The following SCAMP1 variants were observed in gnomAD, a reference collection of about 807,000 sequenced individuals.
The protein encoded by SCAMP1 is secretory carrier-associated membrane protein 1.
A neutral mutation model predicts 41.8 loss-of-function variants in SCAMP1; 15 were observed. The ratio of observed to expected loss-of-function variants is 0.36; its 90% CI spans 0.24 to 0.55. The LOEUF is 0.55. Among genes scored for constraint, SCAMP1 ranks in the 20% least tolerant of loss-of-function variants. The probability of loss-of-function intolerance (pLI) is 0.86; values close to 1 mark genes in which losing one functional copy is unlikely to be tolerated. For synonymous variants in SCAMP1, 135 were observed against 136.8 expected, an observed-to-expected ratio of 0.99 and a Z score of 0.09; for missense variants, 341 against 412.6, an observed-to-expected ratio of 0.83 and a Z score of 1.50.
chr5:78,366,852 G>A lies in SCAMP1; in HGVS notation c.57+6124G>A, dbSNP rs576742027. ...AATTTAAAAGTTAGCTGGGTGTGGT[G>A]GTGCACACCTGTAATCTAAGCTACT... On this transcript the variant is annotated intron_variant, in intron 1 of 8. Transcript: ENST00000621999. Among the ~76,000 whole-genome samples the A allele has an allele frequency of 4.6e-5, 7 of 151,212 alleles. No homozygotes were observed. The South Asian group carries it at 1.5e-3, about 32-fold the overall frequency.
chr5:78,405,985 A>G (rs1382668033), intron 2 of SCAMP1, among the ~76,000 whole-genome samples: 1 of 152,252 alleles, frequency 6.6e-6, no homozygotes, highest in Middle Eastern at 3.2e-3. Context: ...TAACAAGGGA[A>G]TCTGTGTTAA....
intron 6 of SCAMP1, 61 bp downstream of exon 6, chr5:78,422,021 A>G (rs1390007193): frequency 5.7e-6 from 8 of 1,393,460 alleles, no homozygotes; most frequent in African/African-American, 1.4e-5. Context: ...AATTCGTAGT[A>G]TACATTAAAG....
In SCAMP1 at chr5:78,434,676, G is replaced by A. The variant is rs571822910; in HGVS notation, c.632+12716G>A. Among the ~76,000 whole-genome samples, 7 of 152,042 alleles carry A rather than the reference G, an allele frequency of 4.6e-5. No homozygotes were observed. In the East Asian group the frequency reaches 1.4e-3, roughly 29 times the overall value. ...TACATCTATGAGTTTTCTTTTTAAA[G>A]GTAAACCTGTTTGTGAAGATAATCC... On this transcript the variant is annotated intron_variant, in intron 6 of 8. Coordinates refer to ENST00000621999, the MANE Select transcript of SCAMP1 (RefSeq NM_004866.6).
intron 2 of SCAMP1, among the ~76,000 whole-genome samples, chr5:78,403,411 TACAC>T (rs911124216): frequency 1.3e-5 from 2 of 152,164 alleles, no homozygotes; most frequent in African/African-American, 2.4e-5. Flanking sequence ...TGTATATATA[TACAC>T]ACACAAGATA....
intron 2 of SCAMP1, among the ~76,000 whole-genome samples, chr5:78,401,089 G>T (rs191916607): frequency 6.6e-6 from 1 of 152,218 alleles, no homozygotes; most frequent in East Asian, 1.9e-4. Context: ...TGTATCTACT[G>T]ATATGGTCAT....
chr5:78,439,084 C>G (rs1752847361), intron 6 of SCAMP1, among the ~76,000 whole-genome samples: 1 of 152,202 alleles, frequency 6.6e-6, no homozygotes, highest in Non-Finnish European at 1.5e-5. Context: ...TTCCTCCATC[C>G]CTTTATTTTG....
chr5:78,365,632 G>A (rs141886601), intron 1 of SCAMP1, among the ~76,000 whole-genome samples: 13 of 152,212 alleles, frequency 8.5e-5, no homozygotes, highest in African/African-American at 3.1e-4. Context: ...ATAATTAAGT[G>A]CTTTGCCTAC....
At chr5:78,417,391 G>A (rs934468557) in intron 4 of SCAMP1, among the ~76,000 whole-genome samples, 4 of 152,190 alleles carry the variant, frequency 2.6e-5, no homozygotes, top group African/African-American at 9.6e-5. Context: ...AGCATCAGAG[G>A]TAGCATCTAT....
chr5:78,381,440 C>T (rs1334729944), intron 1 of SCAMP1, among the ~76,000 whole-genome samples: 13 of 152,152 alleles, frequency 8.5e-5, no homozygotes, highest in Non-Finnish European at 1.6e-4. Flanking sequence ...TACAGCTGGA[C>T]CATCTGGATT....
At chr5:78,363,244 C>T (rs1399778474) in intron 1 of SCAMP1, among the ~76,000 whole-genome samples, 1 of 149,186 alleles carries the variant, frequency 6.7e-6, no homozygotes, top group African/African-American at 2.5e-5. Context: ...ACGGAGTCTC[C>T]CTCTGTCGCC....
intron 2 of SCAMP1, among the ~76,000 whole-genome samples, chr5:78,397,099 T>C (rs1751671902): frequency 6.6e-6 from 1 of 152,140 alleles, no homozygotes; most frequent in Non-Finnish European, 1.5e-5. Flanking sequence ...AGTTTTGTTA[T>C]AGTTACAGTA....
intron 6 of SCAMP1, among the ~76,000 whole-genome samples, chr5:78,441,508 T>C (rs1469064099): frequency 6.6e-6 from 1 of 152,140 alleles, no homozygotes; most frequent in Non-Finnish European, 1.5e-5. Context: ...ACTTTTCAAG[T>C]GGTATTAGTA....
intron 7 of SCAMP1, among the ~76,000 whole-genome samples, chr5:78,454,877 T>G (rs1753345562): frequency 6.6e-6 from 1 of 152,188 alleles, no homozygotes; most frequent in African/African-American, 2.4e-5. Context: ...TATTGGTCTA[T>G]TCAGAGATTC....
intron 6 of SCAMP1, among the ~76,000 whole-genome samples, chr5:78,427,335 TTCATGAGGGA>T (rs1465727017): frequency 1.3e-5 from 2 of 152,144 alleles, no homozygotes; most frequent in South Asian, 2.1e-4. Flanking sequence ...CACCAGGCCA[TTCATGAGGGA>T]TCATGAGGGA....
intron 5 of SCAMP1, 147 bp downstream of exon 5, chr5:78,419,050 C>T (rs1030001219): frequency 1.0e-5 from 7 of 697,172 alleles, no homozygotes; most frequent in Non-Finnish European, 1.6e-5. Context: ...TGAAACATAT[C>T]CTATTTAGGT....
At chr5:78,386,778 G>T (rs1480257992) in intron 1 of SCAMP1, among the ~76,000 whole-genome samples, 1 of 152,126 alleles carries the variant, frequency 6.6e-6, no homozygotes, top group East Asian at 1.9e-4. Context: ...GGAGATTAAA[G>T]GTAGGACCTC....
rs775554429 is a variant in SCAMP1 at position 78,479,768 on chromosome 5, T to C, written c.*4100T>C. Among the ~76,000 whole-genome samples the C allele has an allele frequency of 3.3e-5, 5 of 152,074 alleles. No homozygotes were observed. Among genetic ancestry groups the C allele is most frequent in the Admixed American group, 6.5e-5 (1 of 15,270 alleles). ...TTTAATGTATAGGATTTTGGCCAGG[T>C]GTGGTGGCTCACGCCTGTAATCCCA... On this transcript the variant is annotated 3_prime_UTR_variant, in exon 9 of 9. Transcript: ENST00000621999.
At chr5:78,435,519 T>C (rs560477391) in intron 6 of SCAMP1, among the ~76,000 whole-genome samples, 2 of 152,352 alleles carry the variant, frequency 1.3e-5, no homozygotes, top group East Asian at 3.9e-4. Context: ...AATGATAGTT[T>C]CCAGCTTCAT....
chr5:78,454,952 T>C (rs1276906895), intron 7 of SCAMP1, among the ~76,000 whole-genome samples: 32 of 152,258 alleles, frequency 2.1e-4, no homozygotes, highest in Non-Finnish European at 3.1e-4. Flanking sequence ...TTCTTCTAGA[T>C]TTTCTAGTTG....
Sources: allele counts gnomAD v4.1 joint callset (sites outside exome capture counted in the v4.1 genomes callset), GRCh38; gene constraint gnomAD v4.1.1; transcripts MANE v1.5; gene names NCBI Gene and HGNC (gene_info 2026-07-23, HGNC 2026-07-21).